HLCS: variants seen among roughly 807,000 people sequenced by gnomAD.
The protein encoded by HLCS is holocarboxylase synthetase.
HLCS carries 53 observed loss-of-function variants against 75.0 expected under a neutral mutation model. That is an observed-to-expected ratio of 0.71 (90% CI 0.57 to 0.89). The LOEUF (loss-of-function observed/expected upper bound fraction) is 0.89, where lower values mean the gene tolerates loss of function less well. Among genes scored for constraint, HLCS ranks in the 40% least tolerant of loss-of-function variants. The pLI is 0.00. For synonymous variants in HLCS, 431 were observed against 428.6 expected (o/e 1.01, Z -0.07); for missense variants, 966 against 1,074.0 (o/e 0.90, Z 1.41).
At chr21:36,974,373 G>A (rs2068881109) in intron 1 of HLCS, 1 of 152,424 alleles carries the variant, frequency 6.6e-6, no homozygotes, top group Admixed American at 6.5e-5. Context: ...GGAGGCAAGG[G>A]TGTGTCTAAG....
At chr21:36,779,570 A>G (rs111461571) in intron 6 of HLCS, among the ~76,000 whole-genome samples, 4 of 152,306 alleles carry the variant, frequency 2.6e-5, no homozygotes, top group African/African-American at 9.6e-5. Flanking sequence ...CACAGGGGGA[A>G]GTGGTCTCAG....
intron 6 of HLCS, among the ~76,000 whole-genome samples, chr21:36,796,175 T>TA (rs1321588986): frequency 6.6e-6 from 1 of 152,204 alleles, no homozygotes; most frequent in African/African-American, 2.4e-5. Flanking sequence ...CCCAAACACT[T>TA]AAACACACAG....
intron 6 of HLCS, among the ~76,000 whole-genome samples, chr21:36,792,774 C>A (rs985381700): frequency 1.3e-5 from 2 of 152,142 alleles, no homozygotes; most frequent in Non-Finnish European, 2.9e-5. Context: ...AGAGCTGTTA[C>A]AACACGTGGT....
chr21:36,838,698 C>T (rs1374002574), intron 6 of HLCS, among the ~76,000 whole-genome samples: 48 of 141,592 alleles, frequency 3.4e-4, no homozygotes, highest in East Asian at 1.6e-3. Context: ...AGCGAGACTC[C>T]GTCTCAAAAG....
rs147102616 is a variant in HLCS at position 36,803,608 on chromosome 21, T to C, written c.1893-36323A>G. On this transcript the variant is annotated intron_variant, in intron 6 of 10. Coordinates refer to ENST00000674895, the MANE Select transcript of HLCS (RefSeq NM_001352514.2). Reference sequence around the variant, plus strand: ...TTGGCTGTAAGAAGTATCCCGCAACTGATTTATTCCTCAATTTCAATTATT... The same window carrying C: ...TTGGCTGTAAGAAGTATCCCGCAACCGATTTATTCCTCAATTTCAATTATT... Among the ~76,000 whole-genome samples the C allele has an allele frequency of 1.2e-4, 18 of 152,286 alleles. No homozygotes were observed. The East Asian group carries it at 3.1e-3, about 26-fold the overall frequency.
rs189942689 is a variant in HLCS, at chr21:36,898,350, A to G, written c.1621-1219T>C. Among the ~76,000 whole-genome samples the G allele has an allele frequency of 2.1e-4, 31 of 149,018 alleles. No homozygotes were observed. The East Asian group carries it at 6.3e-3, about 30-fold the overall frequency. On this transcript the variant is annotated intron_variant, in intron 5 of 10. Transcript: ENST00000674895. ...AATCCCAGCTACTCAGGAGGCTGAG[A>G]CAGGAGAATCGCTTGAACCTGGGAG...
intron 6 of HLCS, among the ~76,000 whole-genome samples, chr21:36,884,136 A>G (rs552462310): frequency 1.3e-4 from 20 of 152,220 alleles, no homozygotes; most frequent in Non-Finnish European, 2.2e-4. Flanking sequence ...GTTTATTTAT[A>G]TCCCCTTGTT....
At chr21:36,966,680 CCCAG>C (rs2068611362), upstream of HLCS, 2 of 929,432 alleles carry the variant, frequency 2.2e-6, no homozygotes, top group Non-Finnish European at 2.6e-6. Flanking sequence ...GCCCGCCCGC[CCCAG>C]CGCCCCAGGC....
chr21:36,769,631 G>A (rs993032366), intron 6 of HLCS, among the ~76,000 whole-genome samples: 9 of 152,188 alleles, frequency 5.9e-5, no homozygotes, highest in African/African-American at 1.2e-4. Flanking sequence ...GAACCAAAGC[G>A]GCACTCAGGA....
intron 6 of HLCS, among the ~76,000 whole-genome samples, chr21:36,835,666 T>C (rs2062384295): frequency 6.6e-6 from 1 of 152,074 alleles, no homozygotes; most frequent in African/African-American, 2.4e-5. Context: ...TGGGCACCTC[T>C]CCCAATCCAG....
intron 6 of HLCS, among the ~76,000 whole-genome samples, chr21:36,847,771 G>T (rs2062846819): frequency 6.6e-6 from 1 of 152,130 alleles, no homozygotes; most frequent in Non-Finnish European, 1.5e-5. Context: ...ATACATATAA[G>T]AATTTTTTTT....
chr21:36,897,479 A>G (rs2065061347), intron 5 of HLCS, among the ~76,000 whole-genome samples: 1 of 152,202 alleles, frequency 6.6e-6, no homozygotes, highest in South Asian at 2.1e-4. Context: ...ATTTTACGGA[A>G]AACTTTTATC....
intron 6 of HLCS, among the ~76,000 whole-genome samples, chr21:36,866,087 C>T (rs1213913696): frequency 1.3e-5 from 2 of 152,210 alleles, no homozygotes; most frequent in African/African-American, 2.4e-5. Context: ...CTTGAATTCA[C>T]ATGTGCTGTC....
At chr21:36,945,037 G>A (rs1210803346) in intron 2 of HLCS, among the ~76,000 whole-genome samples, 1 of 152,004 alleles carries the variant, frequency 6.6e-6, no homozygotes. Flanking sequence ...GGAGAATGGC[G>A]TGAACCCAGG....
At chr21:36,764,136 C>T (rs751541666) in intron 8 of HLCS, among the ~76,000 whole-genome samples, 2 of 152,202 alleles carry the variant, frequency 1.3e-5, no homozygotes, top group East Asian at 1.9e-4. Context: ...TGGTGGCTCA[C>T]GCCTGTAATC....
intron 6 of HLCS, among the ~76,000 whole-genome samples, chr21:36,884,519 A>G (rs1286235868): frequency 6.6e-6 from 1 of 152,184 alleles, no homozygotes; most frequent in East Asian, 1.9e-4. Context: ...TTTACAATCT[A>G]AAGACTAGAG....
chr21:36,942,699 T>C (rs1445291542), intron 2 of HLCS, among the ~76,000 whole-genome samples: 3 of 151,624 alleles, frequency 2.0e-5, no homozygotes, highest in Admixed American at 1.3e-4. Flanking sequence ...CACAGAAAAA[T>C]AGGAGAAAGT....
intron 6 of HLCS, among the ~76,000 whole-genome samples, chr21:36,863,040 A>T (rs140927652): frequency 1.3e-5 from 2 of 151,290 alleles, no homozygotes; most frequent in Non-Finnish European, 2.9e-5. Flanking sequence ...CTGGGACTAC[A>T]TCGCGCCACT....
chr21:36,836,805 G>GT (rs2062429015), intron 6 of HLCS, among the ~76,000 whole-genome samples: 1 of 152,040 alleles, frequency 6.6e-6, no homozygotes, highest in Non-Finnish European at 1.5e-5. Flanking sequence ...TTTTAAGGCG[G>GT]TAAGTGTCAA....
Sources: allele counts gnomAD v4.1 joint callset (sites outside exome capture counted in the v4.1 genomes callset), GRCh38; gene constraint gnomAD v4.1.1; transcripts MANE v1.5; gene names NCBI Gene and HGNC (gene_info 2026-07-23, HGNC 2026-07-21).